Variants in CSMD3 observed in about 807,000 individuals in gnomAD.
The protein encoded by CSMD3 is CUB and sushi domain-containing protein 3.
Under a neutral mutation model 435.2 loss-of-function variants are expected in CSMD3, and 177 were observed. That is an observed-to-expected ratio of 0.41 (90% confidence interval 0.36 to 0.46). The LOEUF is 0.46. Ranked by LOEUF, CSMD3 falls within the 20% of genes least tolerant of loss-of-function variation. The probability of loss-of-function intolerance (pLI) is 0.34; values close to 1 mark genes in which losing one functional copy is unlikely to be tolerated. For synonymous variants in CSMD3, 1,656 were observed against 1,520.5 expected, an observed-to-expected ratio of 1.09 and a Z score of -2.07; for missense variants, 4,265 against 4,504.6, an observed-to-expected ratio of 0.95 and a Z score of 1.52.
At chr8:112,899,010 T>A (rs2082027884) in intron 10 of CSMD3, among the ~76,000 whole-genome samples, 1 of 151,226 alleles carries the variant, frequency 6.6e-6, no homozygotes, top group Non-Finnish European at 1.5e-5. Flanking sequence ...CTCTTGAAAA[T>A]GAGTGACACA....
chr8:112,420,143 G>C lies in CSMD3; in HGVS notation c.5396-11111C>G, dbSNP rs550635717. Among the ~76,000 whole-genome samples, 22 of 152,058 alleles carry C rather than the reference G, an allele frequency of 1.4e-4. No individual in the cohort carries two copies. The East Asian group carries it at 2.1e-3, about 15-fold the overall frequency. On this transcript the variant is annotated intron_variant, in intron 32 of 70. Coordinates refer to ENST00000297405, the MANE Select transcript of CSMD3 (RefSeq NM_198123.2). ...TATGGACTATAAATTAAATTACTGG[G>C]ATTTATTTTATTATGTAAAATTTCA...
intron 23 of CSMD3, among the ~76,000 whole-genome samples, chr8:112,579,793 C>T: frequency 6.6e-6 from 1 of 151,970 alleles, no homozygotes; most frequent in East Asian, 1.9e-4. Flanking sequence ...TGTTATTAAT[C>T]AAGTCCTTTG....
chr8:112,301,941 T>C lies in CSMD3; in HGVS notation c.8292A>G (p.Thr2764=), dbSNP rs780516305. The change falls in exon 53 of 71, where the codon ACA becomes ACG. Residue 2764 remains threonine (T), a synonymous_variant. Transcript: ENST00000297405. Reference sequence around the variant, plus strand: ...TTCCAATCTTATTTCCATTTGGAGGTGTAGGTAGTTCTCCACAGGAAATAA... The same window carrying C: ...TTCCAATCTTATTTCCATTTGGAGGCGTAGGTAGTTCTCCACAGGAAATAA... The part of the protein sequence containing the change: ...CQIISCGELP[T]PPNGNKIGTQ... 1.2e-6 allele frequency: 2 copies of C among 1,610,520 alleles called. No homozygotes were observed. Among genetic ancestry groups the C allele is most frequent in the South Asian group, 1.1e-5 (1 of 90,976 alleles).
At chr8:113,294,662 A>G (rs1486650714) in intron 2 of CSMD3, among the ~76,000 whole-genome samples, 1 of 152,152 alleles carries the variant, frequency 6.6e-6, no homozygotes, top group African/African-American at 2.4e-5. Context: ...CAGTGAGGTG[A>G]CAAATCTAAC....
intron 5 of CSMD3, among the ~76,000 whole-genome samples, chr8:113,045,467 G>A (rs1488045831): frequency 2.0e-5 from 3 of 149,100 alleles, no homozygotes; most frequent in African/African-American, 7.3e-5. Flanking sequence ...AAAAGCAGCT[G>A]GTCTATATGC....
At chr8:112,633,756 G>T (rs1331961380) in intron 22 of CSMD3, among the ~76,000 whole-genome samples, 1 of 151,978 alleles carries the variant, frequency 6.6e-6, no homozygotes, top group Non-Finnish European at 1.5e-5. Context: ...AAAATGTAAA[G>T]TAAGTTTCCA....
chr8:113,014,553 C>T (rs993672757), intron 6 of CSMD3, among the ~76,000 whole-genome samples: 7 of 151,944 alleles, frequency 4.6e-5, no homozygotes, highest in Non-Finnish European at 7.4e-5. Context: ...AAAATAACAA[C>T]CAACCATCCT....
intron 5 of CSMD3, among the ~76,000 whole-genome samples, chr8:113,045,911 A>AT (rs1358626771): frequency 2.7e-5 from 4 of 149,406 alleles, no homozygotes; most frequent in African/African-American, 7.3e-5. Flanking sequence ...AGTTGTATAT[A>AT]TTTTTTTCAC....
rs767931332 is a variant in CSMD3 at position 112,346,127 on chromosome 8, T to C, written c.6412A>G (p.Thr2138Ala). 3 of 1,609,518 alleles carry C rather than the reference T, an allele frequency of 1.9e-6. No homozygotes were observed. Among genetic ancestry groups the C allele is most frequent in the Non-Finnish European group, 2.6e-6 (3 of 1,175,848 alleles). The change falls in exon 41 of 71, where the codon ACA becomes GCA. Residue 2138 changes from threonine to alanine, a missense_variant. By Grantham distance (58) the Thr-to-Ala change is moderately conservative. Transcript: ENST00000297405. Reference protein sequence around the residue: ...PGNYPSSLDCTWTINLPIGFG... With the variant: ...PGNYPSSLDCAWTINLPIGFG... ...CCTATGGGTAGATTTATTGTCCATG[T>C]GCAATCTAAACTGCTGGGATAGTTT...
intron 1 of CSMD3, among the ~76,000 whole-genome samples, chr8:113,350,857 T>C (rs1379673307): frequency 2.0e-5 from 3 of 152,106 alleles, no homozygotes; most frequent in Non-Finnish European, 4.4e-5. Flanking sequence ...GCCACTTTTC[T>C]CCTTTAAACA....
chr8:113,049,022 T>G (rs1417507836), intron 5 of CSMD3, among the ~76,000 whole-genome samples: 1 of 152,066 alleles, frequency 6.6e-6, no homozygotes, highest in Non-Finnish European at 1.5e-5. Context: ...GCAGATCACT[T>G]GAGGTCAAGA....
intron 1 of CSMD3, among the ~76,000 whole-genome samples, chr8:113,400,149 TA>T (rs1347624226): frequency 6.6e-6 from 1 of 151,962 alleles, no homozygotes; most frequent in Non-Finnish European, 1.5e-5. Flanking sequence ...ATAAATTGCA[TA>T]AAAAGTAAAA....
chr8:112,454,811 T>A (rs1816660754), intron 32 of CSMD3, among the ~76,000 whole-genome samples: 1 of 152,012 alleles, frequency 6.6e-6, no homozygotes, highest in Non-Finnish European at 1.5e-5. Flanking sequence ...GGCAACATGA[T>A]GAGACTCTGT....
At chr8:113,079,926 A>G (rs2089489680) in intron 5 of CSMD3, among the ~76,000 whole-genome samples, 2 of 151,038 alleles carry the variant, frequency 1.3e-5, no homozygotes, top group Admixed American at 1.3e-4. Flanking sequence ...TAGCCTTGGT[A>G]TTTTTAAATG....
chr8:112,972,664 C>T (rs1265421756), intron 7 of CSMD3, among the ~76,000 whole-genome samples: 1 of 151,834 alleles, frequency 6.6e-6, no homozygotes, highest in East Asian at 1.9e-4. Flanking sequence ...AAGGTAATTT[C>T]AAGCCTTTAA....
At chr8:112,332,150 A>T (rs565907954) in intron 45 of CSMD3, among the ~76,000 whole-genome samples, 136 of 152,290 alleles carry the variant, frequency 8.9e-4, no homozygotes, top group Middle Eastern at 3.4e-3. Flanking sequence ...GGATAAGAAC[A>T]AGAAATTTGT....
chr8:113,140,621 C>T (rs911246615), intron 4 of CSMD3, among the ~76,000 whole-genome samples: 13 of 151,020 alleles, frequency 8.6e-5, no homozygotes, highest in African/African-American at 3.1e-4. Context: ...GAAAAATCTT[C>T]AAAAATGTGG....
intron 5 of CSMD3, among the ~76,000 whole-genome samples, chr8:113,097,124 T>C (rs1214279121): frequency 1.3e-5 from 2 of 152,070 alleles, no homozygotes; most frequent in Non-Finnish European, 2.9e-5. Flanking sequence ...TATGGCATTG[T>C]CAGCTTAGAC....
At chr8:112,346,668 C>CTTT (rs1563820913) in intron 40 of CSMD3, among the ~76,000 whole-genome samples, 75 of 129,252 alleles carry the variant, frequency 5.8e-4, no homozygotes, top group African/African-American at 2.4e-3. Context: ...CCCTCCTTTT[C>CTTT]CTTTTTTTTT....
Sources: allele counts gnomAD v4.1 joint callset (sites outside exome capture counted in the v4.1 genomes callset), GRCh38; gene constraint gnomAD v4.1.1; transcripts MANE v1.5; gene names NCBI Gene and HGNC (gene_info 2026-07-23, HGNC 2026-07-21).